Variants in GFPT1 observed in about 807,000 individuals in gnomAD.
The protein encoded by GFPT1 is glutamine--fructose-6-phosphate transaminase 1.
In GFPT1, 40 loss-of-function variants were observed where a neutral mutation model predicts 92.0. That is an observed-to-expected ratio of 0.43 (90% CI 0.34 to 0.57). The LOEUF is 0.57. GFPT1 is among the 20% of genes least tolerant of loss of function. GFPT1 has a pLI of 0.02. For synonymous variants in GFPT1, 269 were observed against 280.6 expected (o/e 0.96, Z 0.41); for missense variants, 448 against 869.1 (o/e 0.52, Z 6.09).
chr2:69,321,058 T>C lies in GFPT1; in HGVS notation c.*5131A>G, dbSNP rs1191039711. 1 of 152,204 alleles carries C rather than the reference T, an allele frequency of 6.6e-6. No homozygotes were observed. Among genetic ancestry groups the C allele is most frequent in the African/African-American group, 2.4e-5 (1 of 41,458 alleles). 9.4% of individuals were successfully genotyped at this position (152,204 alleles called of 1,614,324 possible). On this transcript the variant is annotated 3_prime_UTR_variant, in exon 20 of 20. Coordinates refer to ENST00000357308, the MANE Select transcript of GFPT1 (RefSeq NM_001244710.2). ...CATAAAAGGATTCTGTAAGGGAAACTTTGCTCTATAATTAACAGAGAGCCA... is the reference window on the plus strand; with the variant it reads ...CATAAAAGGATTCTGTAAGGGAAACCTTGCTCTATAATTAACAGAGAGCCA...
intron 11 of GFPT1, 65 bp downstream of exon 11, chr2:69,348,106 G>C: frequency 8.1e-7 from 1 of 1,237,196 alleles, no homozygotes; most frequent in East Asian, 2.3e-5. Context: ...AATATGCTAG[G>C]AAAGGAAGTA....
chr2:69,329,741 G>C lies in GFPT1; in HGVS notation c.1540C>G (p.Arg514Gly). 6.2e-7 allele frequency: 1 copy of C among 1,613,340 alleles called. No individual in the cohort carries two copies. Among genetic ancestry groups the C allele is most frequent in the Non-Finnish European group, 8.5e-7 (1 of 1,179,340 alleles). The stretch of plus-strand genomic sequence containing the variant: ...TTGCGTCTTTCTTGCATGGAGATCC[G>C]ATCATCACACATCATAAGGGCAAAC... ...VMFALMMCDDRISMQERRKEI... is the reference protein window; with the variant it reads ...VMFALMMCDDGISMQERRKEI... Residue 514 changes from arginine to glycine, a missense_variant, in exon 16 of 20, where the codon CGG becomes GGG. By Grantham distance (125) the Arg-to-Gly change is moderately radical (BLOSUM62 -2). Around this residue, in one of 7 missense-constraint regions of GFPT1, gnomAD observed 73 missense variants for 103.5 expected, o/e 0.71. Transcript: ENST00000357308.
intron 4 of GFPT1, among the ~76,000 whole-genome samples, chr2:69,363,075 G>A (rs1423777891): frequency 6.6e-6 from 1 of 151,666 alleles, no homozygotes; most frequent in African/African-American, 2.4e-5. Context: ...GTGAAACCCC[G>A]TCTCTACTAA....
intron 9 of GFPT1, 139 bp from the exon 10 acceptor site, chr2:69,350,322 A>C: frequency 1.5e-6 from 1 of 670,718 alleles, no homozygotes; most frequent in South Asian, 1.7e-5. Flanking sequence ...AGCCAAGTAG[A>C]TCACCTTATT....
chr2:69,328,133 C>A, intron 18 of GFPT1, 138 bp downstream of exon 18: 1 of 690,436 alleles, frequency 1.4e-6, no homozygotes. Flanking sequence ...GTATCTGATT[C>A]CTCACATGTA....
At chr2:69,354,650 C>T in intron 7 of GFPT1, 82 bp from the exon 8 acceptor site, 1 of 807,536 alleles carries the variant, frequency 1.2e-6, no homozygotes, top group South Asian at 1.4e-5. Context: ...GGCCAATACT[C>T]TTCAAATGTT....
chr2:69,354,077 G>A (rs779943369), intron 9 of GFPT1, among the ~76,000 whole-genome samples, 182 bp downstream of exon 9: 2 of 152,100 alleles, frequency 1.3e-5, no homozygotes, highest in Non-Finnish European at 2.9e-5. Context: ...CTTTCTAAAT[G>A]CCAAAAGCAG....
intron 1 of GFPT1, among the ~76,000 whole-genome samples, chr2:69,380,614 T>C (rs999499909): frequency 2.6e-5 from 4 of 152,210 alleles, no homozygotes; most frequent in African/African-American, 9.6e-5. Flanking sequence ...AAAAAAAGCA[T>C]GTACTTCCTG....
intron 17 of GFPT1, among the ~76,000 whole-genome samples, chr2:69,329,051 A>G (rs1670598281): frequency 6.6e-6 from 1 of 152,118 alleles, no homozygotes; most frequent in Non-Finnish European, 1.5e-5. Flanking sequence ...CTTTATTCAT[A>G]TTTGAACAAA....
At chr2:69,384,752 A>G (rs1462174338) in intron 1 of GFPT1, among the ~76,000 whole-genome samples, 4 of 150,310 alleles carry the variant, frequency 2.7e-5, no homozygotes, top group Non-Finnish European at 5.9e-5. Flanking sequence ...GAAAGAAAGA[A>G]AGAGAGAGAA....
chr2:69,373,688 GATAAAA>G (rs1201510386), intron 2 of GFPT1, among the ~76,000 whole-genome samples: 1 of 152,002 alleles, frequency 6.6e-6, no homozygotes, highest in African/African-American at 2.4e-5. Flanking sequence ...GAAATCAATG[GATAAAA>G]ATTAAAGTTA....
chr2:69,344,076 T>G (rs780988618), intron 12 of GFPT1, among the ~76,000 whole-genome samples: 19 of 150,734 alleles, frequency 1.3e-4, no homozygotes, highest in Non-Finnish European at 2.6e-4. Flanking sequence ...CTGCCTACAG[T>G]GTTTTCCACA....
chr2:69,376,249 G>A (rs907760153), intron 1 of GFPT1, among the ~76,000 whole-genome samples: 15 of 152,282 alleles, frequency 9.9e-5, no homozygotes, highest in African/African-American at 3.1e-4. Flanking sequence ...AGTGGCTCAC[G>A]CCTGTAATCC....
intron 13 of GFPT1, 145 bp from the exon 14 acceptor site, chr2:69,338,710 T>A (rs1448942934): frequency 7.0e-5 from 47 of 670,608 alleles, no homozygotes; most frequent in East Asian, 1.2e-4. Flanking sequence ...TTAAAATATT[T>A]AAAAAAAAAA....
chr2:69,382,173 C>T (rs1672029036), intron 1 of GFPT1, among the ~76,000 whole-genome samples: 1 of 152,160 alleles, frequency 6.6e-6, no homozygotes, highest in South Asian at 2.1e-4. Context: ...TTACTCCTAA[C>T]TCTTGATGAG....
At chr2:69,381,863 CTT>C (rs200800795) in intron 1 of GFPT1, among the ~76,000 whole-genome samples, 1 of 143,022 alleles carries the variant, frequency 7.0e-6, no homozygotes. Flanking sequence ...ACTTATAACT[CTT>C]TTTTTTTTTT....
At chr2:69,365,843 CTT>C (rs1671597613) in intron 3 of GFPT1, among the ~76,000 whole-genome samples, 1 of 151,888 alleles carries the variant, frequency 6.6e-6, no homozygotes, top group Non-Finnish European at 1.5e-5. Flanking sequence ...GAGTTTTGCT[CTT>C]GTGCCCAAGC....
At chr2:69,362,977 G>A (rs970756159) in intron 4 of GFPT1, among the ~76,000 whole-genome samples, 2 of 152,124 alleles carry the variant, frequency 1.3e-5, no homozygotes, top group African/African-American at 4.8e-5. Context: ...CAGGAGCAGT[G>A]GTTCATGCCT....
chr2:69,324,834 A>C lies in GFPT1; in HGVS notation c.*1355T>G, dbSNP rs1670492928. ...CTGAAGATCTGGCCAGAAAAGCTCC[A>C]TTAAGAAATTATTACTCACAATTTT... is the stretch of plus-strand genomic sequence containing the variant. On this transcript the variant is annotated 3_prime_UTR_variant, in exon 20 of 20. Transcript: ENST00000357308. The C allele has an allele frequency of 6.6e-6, 1 of 152,216 alleles. No individual in the cohort carries two copies. The highest frequency in any genetic ancestry group is 2.1e-4 in the South Asian group (1 of 4,828). 9.4% of individuals were successfully genotyped at this position (152,216 alleles called of 1,614,324 possible). A position where few individuals can be genotyped will look rare whatever the true frequency, so the allele number is the denominator to read the frequency against.
Sources: gnomAD v4.1 joint callset for allele counts (sites outside exome capture counted in the v4.1 genomes callset) on GRCh38, gnomAD v4.1.1 for gene constraint, gnomAD v4.1.1 regional missense constraint, MANE v1.5 for transcripts, NCBI Gene and HGNC (gene_info 2026-07-23, HGNC 2026-07-21) for gene names.